Variants in GML observed in about 807,000 individuals in gnomAD.
GML encodes glycosyl-phosphatidylinositol-anchored molecule-like protein.
GML carries 5 observed loss-of-function variants against 8.2 expected under a neutral mutation model. The observed-to-expected ratio is 0.61, with a 90% CI of 0.32 to 1.28. The LOEUF (loss-of-function observed/expected upper bound fraction) is 1.28. Among genes scored for constraint, GML ranks in the 50% most tolerant of loss-of-function variants. The pLI is 0.06. For missense variants in GML, 191 were observed against 198.3 expected (o/e 0.96, Z 0.22); for synonymous variants, 72 against 69.0 (o/e 1.04, Z -0.22).
chr8:142,845,260 T>C (rs185695851), intron 3 of GML, among the ~76,000 whole-genome samples: 1 of 152,222 alleles, frequency 6.6e-6, no homozygotes, highest in Non-Finnish European at 1.5e-5. Context: ...ATTTCCTGTC[T>C]TTGGCCTGGG....
Position 142,840,435 on chromosome 8 carries a change from G to C in GML, c.-3G>C. 6.2e-7 allele frequency: 1 copy of C among 1,612,680 alleles called. No homozygotes were observed. Among genetic ancestry groups the C allele is most frequent in the Non-Finnish European group, 8.5e-7 (1 of 1,178,666 alleles). The stretch of plus-strand genomic sequence containing the variant: ...CTTCAGGTCCAGGCTCCTGCGTGAA[G>C]TGATGCTCCTCTTTGCCTTACTCCT... On this transcript the variant is annotated 5_prime_UTR_variant, in exon 2 of 4. Coordinates refer to ENST00000220940, the MANE Select transcript of GML (RefSeq NM_002066.3).
intron 3 of GML, among the ~76,000 whole-genome samples, chr8:142,843,295 CA>C (rs1258937808): frequency 1.3e-5 from 2 of 149,684 alleles, no homozygotes; most frequent in African/African-American, 5.0e-5. Flanking sequence ...CACACACACA[CA>C]CACCATAACC....
Position 142,840,477 on chromosome 8 carries a change from T to C in GML, c.40T>C (p.Leu14=), listed in dbSNP as rs768828613. 2 of 1,613,490 alleles carry C rather than the reference T, an allele frequency of 1.2e-6. No homozygotes were observed. The highest frequency in any genetic ancestry group is 1.3e-5 in the African/African-American group (1 of 74,932). ...CTTACTCCTAGCCATGGAGCTCCCA[T>C]TGGTGGCAGCCAGTGCCACCATGCG... The part of the protein sequence containing the change: ...FALLLAMELP[L]VAASATMRAQ... Residue 14 remains leucine (L), a synonymous_variant, in exon 2 of 4, where the codon TTG becomes CTG. Coordinates refer to ENST00000220940, the MANE Select transcript of GML (RefSeq NM_002066.3).
rs373984785 is a variant in GML, at chr8:142,842,517, A to G, written c.181+1292A>G. On this transcript the variant is annotated intron_variant, in intron 3 of 3. Transcript: ENST00000220940. ...CTTTCCCATAACTCCCTCGTGGGGTAATAGTTGGCAAAAAGAGGAACTTGA... is the reference window on the plus strand; with the variant it reads ...CTTTCCCATAACTCCCTCGTGGGGTGATAGTTGGCAAAAAGAGGAACTTGA... Among the ~76,000 whole-genome samples, 5 of 152,306 alleles carry G rather than the reference A, an allele frequency of 3.3e-5. No homozygotes were observed. The East Asian group carries it at 5.8e-4, about 18-fold the overall frequency.
intron 1 of GML, among the ~76,000 whole-genome samples, chr8:142,836,837 A>C (rs1816348113): frequency 6.6e-6 from 1 of 150,968 alleles, no homozygotes; most frequent in South Asian, 2.1e-4. Context: ...AGCCATCTTG[A>C]GCGGTGCCCT....
chr8:142,844,708 G>A (rs1048264099), intron 3 of GML, among the ~76,000 whole-genome samples: 3 of 152,142 alleles, frequency 2.0e-5, no homozygotes, highest in East Asian at 1.9e-4. Context: ...GTTCACTGTC[G>A]TTCTTCTTGA....
At chr8:142,840,285 A>C (rs549417949) in intron 1 of GML, 131 bp from the exon 2 acceptor site, 2 of 628,010 alleles carry the variant, frequency 3.2e-6, no homozygotes, top group Admixed American at 2.6e-5. Context: ...CCGAGGAGCT[A>C]CTGGCCCAGT....
Position 142,843,252 on chromosome 8 carries a change from T to TCACACACACACA in GML, c.181+2029_181+2030insCACACACACACA, listed in dbSNP as rs1273449345. ...TAAAACTATTTTTAAAATAAAAGGT[T>TCACACACACACA]CATACACACACACACACACACACAC... On this transcript the variant is annotated intron_variant, in intron 3 of 3. Transcript: ENST00000220940. Among the ~76,000 whole-genome samples the TCACACACACACA allele has an allele frequency of 1.0e-4, 3 of 30,110 alleles. No homozygotes were observed. In the East Asian group the frequency reaches 6.5e-3, roughly 65 times the overall value. 19.8% of individuals were successfully genotyped at this position (30,110 alleles called of 152,430 possible). A position where few individuals can be genotyped will look rare whatever the true frequency, so the allele number is the denominator to read the frequency against.
Position 142,846,677 on chromosome 8 carries a change from A to G in GML, c.464A>G (p.Asn155Ser). Residue 155 changes from asparagine (N) to serine (S), a missense_variant, in exon 4 of 4, where the codon AAT becomes AGT. Transcript: ENST00000220940. The part of the protein sequence containing the change: ...LLSFASIIVS[N>S]ILP ...AGTTTTGCCTCTATCATAGTCAGCA[A>G]TATATTGCCATGAGGACCCCACCTT... 1 of 1,613,160 alleles carries G rather than the reference A, an allele frequency of 6.2e-7. No homozygotes were observed. The highest frequency in any genetic ancestry group is 1.3e-5 in the African/African-American group (1 of 75,028).
rs772336593 is a variant in GML, at chr8:142,846,385, C to CT, written c.182-3dup. ...AAATCAATTATTTTCATTGCTGCTT[C>CT]TTTTTTTAGGCATAAATTCTCGTGA... is the stretch of plus-strand genomic sequence containing the variant. On this transcript the variant is annotated splice_polypyrimidine_tract_variant and intron_variant, in intron 3 of 3. Coordinates refer to ENST00000220940, the MANE Select transcript of GML (RefSeq NM_002066.3). The CT allele has an allele frequency of 5.8e-6, 9 of 1,564,182 alleles. No homozygotes were observed. The highest frequency in any genetic ancestry group is 7.9e-6 in the Non-Finnish European group (9 of 1,143,036).
In GML at chr8:142,846,559, A is replaced by G; in HGVS notation, c.346A>G (p.Thr116Ala). The G allele has an allele frequency of 6.2e-7, 1 of 1,614,024 alleles. No homozygotes were observed. The highest frequency in any genetic ancestry group is 8.5e-7 in the Non-Finnish European group (1 of 1,179,870). Residue 116 changes from threonine to alanine, a missense_variant, in exon 4 of 4, where the codon ACT becomes GCT. By Grantham distance (58) the Thr-to-Ala change is moderately conservative. Transcript: ENST00000220940. ...NSMVCNAGGP[T>A]NLERDMLPDE... Reference sequence around the variant, plus strand: ...CATGGTTTGCAATGCAGGAGGACCTACTAATCTTGAAAGGGACATGTTACC... The same window carrying G: ...CATGGTTTGCAATGCAGGAGGACCTGCTAATCTTGAAAGGGACATGTTACC...
chr8:142,837,131 T>A (rs1434699108), intron 1 of GML, among the ~76,000 whole-genome samples: 1 of 147,646 alleles, frequency 6.8e-6, no homozygotes, highest in Non-Finnish European at 1.5e-5. Context: ...CCGTCTCTAC[T>A]AAAAATACAA....
chr8:142,836,839 C>T (rs765511031), intron 1 of GML, among the ~76,000 whole-genome samples: 14 of 151,030 alleles, frequency 9.3e-5, no homozygotes, highest in Non-Finnish European at 1.6e-4. Flanking sequence ...CCATCTTGAG[C>T]GGTGCCCTTC....
At chr8:142,837,100 C>T (rs1402932901) in intron 1 of GML, among the ~76,000 whole-genome samples, 4 of 151,976 alleles carry the variant, frequency 2.6e-5, no homozygotes, top group African/African-American at 9.7e-5. Context: ...TCAAGACCAG[C>T]GTGGCCAACA....
chr8:142,846,830 TA>T lies in GML; in HGVS notation c.*147del. ...TTATGGTTTGTTGTAAGAGAAAAAT[TA>T]AAAAAATATTGTTTAGTGGAGATGT... On this transcript the variant is annotated 3_prime_UTR_variant, in exon 4 of 4. Coordinates refer to ENST00000220940, the MANE Select transcript of GML (RefSeq NM_002066.3). The T allele has an allele frequency of 3.2e-6, 2 of 621,912 alleles. No homozygotes were observed. The highest frequency in any genetic ancestry group is 2.8e-6 in the Non-Finnish European group (1 of 357,666). The allele number at this position is 621,912 out of a possible 1,614,324, so 38.5% of individuals were successfully genotyped here. A position where few individuals can be genotyped will look rare whatever the true frequency, so the allele number is the denominator to read the frequency against.
At chr8:142,842,859 C>T (rs1322011474) in intron 3 of GML, among the ~76,000 whole-genome samples, 6 of 152,208 alleles carry the variant, frequency 3.9e-5, no homozygotes, top group Non-Finnish European at 8.8e-5. Flanking sequence ...TTCCAGCCTG[C>T]CCCAGTGTAA....
intron 3 of GML, among the ~76,000 whole-genome samples, chr8:142,842,594 C>T (rs1243303636): frequency 1.3e-5 from 2 of 152,212 alleles, no homozygotes; most frequent in Admixed American, 6.5e-5. Flanking sequence ...TGGAAGGTCA[C>T]GATGGTTTAG....
At chr8:142,838,151 CTG>C (rs1418205936) in intron 1 of GML, among the ~76,000 whole-genome samples, 4 of 150,412 alleles carry the variant, frequency 2.7e-5, no homozygotes, top group African/African-American at 9.8e-5. Flanking sequence ...ACTTTTAACT[CTG>C]TGGATTGATT....
At chr8:142,839,895 C>G in intron 1 of GML, among the ~76,000 whole-genome samples, 1 of 152,120 alleles carries the variant, frequency 6.6e-6, no homozygotes, top group East Asian at 1.9e-4. Flanking sequence ...GAGGGGAGTT[C>G]TCTCGTAATG....
Sources: gnomAD v4.1 joint callset for allele counts (sites outside exome capture counted in the v4.1 genomes callset) on GRCh38, gnomAD v4.1.1 for gene constraint, MANE v1.5 for transcripts, NCBI Gene and HGNC (gene_info 2026-07-23, HGNC 2026-07-21) for gene names.